The following SLC39A9 variants were observed in gnomAD, a reference collection of about 807,000 sequenced individuals.
SLC39A9 encodes the protein solute carrier family 39 member 9, also known as zinc transporter ZIP9.
In SLC39A9, 14 loss-of-function variants were observed where a neutral mutation model predicts 28.4. The observed-to-expected ratio is 0.49, with a 90% CI of 0.33 to 0.77. The LOEUF is 0.77. Among genes scored for constraint, SLC39A9 ranks in the 30% least tolerant of loss-of-function variants. The pLI is 0.02. For missense variants in SLC39A9, 283 were observed against 381.1 expected (o/e 0.74, Z 2.14); for synonymous variants, 119 against 149.6 (o/e 0.80, Z 1.49).
chr14:69,448,892 A>T (rs992110452), intron 3 of SLC39A9, among the ~76,000 whole-genome samples: 3 of 151,768 alleles, frequency 2.0e-5, no homozygotes, highest in Non-Finnish European at 4.4e-5. Flanking sequence ...GAGAAAAAGA[A>T]TGTGTGTGTG....
At chr14:69,401,844 C>T (rs1408126146) in intron 1 of SLC39A9, among the ~76,000 whole-genome samples, 1 of 152,104 alleles carries the variant, frequency 6.6e-6, no homozygotes, top group East Asian at 1.9e-4. Context: ...TTATATATAA[C>T]TTAAAGACAT....
At chr14:69,441,761 A>T in intron 2 of SLC39A9, 2 of 1,052,702 alleles carry the variant, frequency 1.9e-6, no homozygotes, top group Non-Finnish European at 2.3e-6. Flanking sequence ...CAGATAAAGG[A>T]ATATTTGGGG....
intron 2 of SLC39A9, among the ~76,000 whole-genome samples, chr14:69,432,909 A>G (rs1884566741): frequency 1.3e-5 from 2 of 152,172 alleles, no homozygotes; most frequent in Non-Finnish European, 2.9e-5. Flanking sequence ...TTTTTCTACC[A>G]GGACCACACT....
chr14:69,400,799 C>T (rs752103857), intron 1 of SLC39A9, among the ~76,000 whole-genome samples: 1 of 151,896 alleles, frequency 6.6e-6, no homozygotes, highest in Non-Finnish European at 1.5e-5. Context: ...CCTTTTTAAT[C>T]TGTACCCCTC....
At chr14:69,434,865 G>A (rs905924993) in intron 2 of SLC39A9, among the ~76,000 whole-genome samples, 4 of 152,090 alleles carry the variant, frequency 2.6e-5, no homozygotes, top group Admixed American at 2.0e-4. Context: ...TTGAGTGGTG[G>A]TTTTTAAAAT....
At chr14:69,418,460 G>T (rs556513055) in intron 1 of SLC39A9, among the ~76,000 whole-genome samples, 8 of 152,046 alleles carry the variant, frequency 5.3e-5, no homozygotes, top group Non-Finnish European at 1.2e-4. Flanking sequence ...TCTCTGCCAG[G>T]CTTTGGTATC....
In SLC39A9 at chr14:69,399,270, C is replaced by A; in HGVS notation, c.-100C>A. 1 of 1,034,074 alleles carries A rather than the reference C, an allele frequency of 9.7e-7. No individual in the cohort carries two copies. Among genetic ancestry groups the A allele is most frequent in the Non-Finnish European group, 1.5e-6 (1 of 682,334 alleles). 64.1% of individuals were successfully genotyped at this position (1,034,074 alleles called of 1,614,324 possible). A position where few individuals can be genotyped will look rare whatever the true frequency, so the allele number is the denominator to read the frequency against. ...AAGGCCTAAAGAACTGGAAAGCCCA[C>A]TCTCTTGGAACCACCACACCTGTTT... On this transcript the variant is annotated 5_prime_UTR_variant, in exon 1 of 7. Transcript: ENST00000336643.
At chr14:69,458,007 A>G (rs1236328030) in intron 6 of SLC39A9, among the ~76,000 whole-genome samples, 2 of 152,228 alleles carry the variant, frequency 1.3e-5, no homozygotes, top group African/African-American at 4.8e-5. Flanking sequence ...TAAATTTCAG[A>G]TGTTCTCACC....
chr14:69,400,656 G>A (rs539735755), intron 1 of SLC39A9, among the ~76,000 whole-genome samples: 2 of 152,310 alleles, frequency 1.3e-5, no homozygotes, highest in East Asian at 1.9e-4. Context: ...ACCTGAGGAA[G>A]AGGAGACATT....
chr14:69,404,037 C>A (rs1444209994), intron 1 of SLC39A9, among the ~76,000 whole-genome samples: 2 of 151,974 alleles, frequency 1.3e-5, no homozygotes, highest in Non-Finnish European at 2.9e-5. Context: ...GAGCAAAACT[C>A]CCTCTCAAAA....
intron 2 of SLC39A9, among the ~76,000 whole-genome samples, chr14:69,428,394 C>A (rs1186155320): frequency 2.6e-5 from 4 of 152,018 alleles, no homozygotes; most frequent in African/African-American, 9.7e-5. Context: ...CAGCAGCAGA[C>A]CATCCACACC....
chr14:69,452,041 G>A (rs138367021), intron 3 of SLC39A9, among the ~76,000 whole-genome samples: 16 of 152,178 alleles, frequency 1.1e-4, no homozygotes, highest in African/African-American at 3.9e-4. Context: ...TTTCTTGAGG[G>A]AAGTGGTTCT....
At position 69,460,638 on chromosome 14, in the gene SLC39A9, G is replaced by A. The variant is rs1378352787; in HGVS notation, c.*2045G>A. On this transcript the variant is annotated 3_prime_UTR_variant, in exon 7 of 7. Transcript: ENST00000336643. ...ACTGGCCAAAGCCTCTTTCAGCAGTGCCTTGCCATCATGCTTAAAAGTTTG... is the reference window on the plus strand; with the variant it reads ...ACTGGCCAAAGCCTCTTTCAGCAGTACCTTGCCATCATGCTTAAAAGTTTG... The A allele has an allele frequency of 1.2e-5, 12 of 985,330 alleles. No homozygotes were observed. Among genetic ancestry groups the A allele is most frequent in the Non-Finnish European group, 1.4e-5 (12 of 829,956 alleles). The allele number at this position is 985,330 out of a possible 1,614,324, so 61.0% of individuals were successfully genotyped here.
chr14:69,441,867 G>T, intron 2 of SLC39A9: 1 of 1,357,182 alleles, frequency 7.4e-7, no homozygotes, highest in Non-Finnish European at 9.5e-7. Flanking sequence ...AGGTCTGCAT[G>T]CCAAAGGCAG....
rs148319000 is a variant in SLC39A9 at position 69,445,789 on chromosome 14, T to C, written c.403+3523T>C. Among the ~76,000 whole-genome samples the C allele has an allele frequency of 2.1e-3, 319 of 152,318 alleles. 2 individuals carry two copies. Among genetic ancestry groups the C allele is most frequent in the African/African-American group, 7.4e-3 (306 of 41,576 alleles). On this transcript the variant is annotated intron_variant, in intron 3 of 6. Transcript: ENST00000336643. ...TTCCCCTGAGCATGCCTTTTTGGTA[T>C]AATTCTGACTTTTGGAAACATGTTA...
rs1322200858 is a variant in SLC39A9 at position 69,458,364 on chromosome 14, G to C, written c.695G>C (p.Ser232Thr). ...CTCTTTCTCTCTTCTAATTCACAGA[G>C]CAGTAAAGAAGCCCTTTCAGAGGTG... ...SMVTYLGLSK[S>T]SKEALSEVNA... Residue 232 changes from serine (S) to threonine (T), a missense_variant and splice_region_variant, in exon 7 of 7, where the codon AGC becomes ACC. Transcript: ENST00000336643. 1 of 1,613,982 alleles carries C rather than the reference G, an allele frequency of 6.2e-7. No individual in the cohort carries two copies. Among genetic ancestry groups the C allele is most frequent in the Non-Finnish European group, 8.5e-7 (1 of 1,180,044 alleles).
At chr14:69,409,004 AT>A (rs1883094927) in intron 1 of SLC39A9, among the ~76,000 whole-genome samples, 1 of 152,206 alleles carries the variant, frequency 6.6e-6, no homozygotes, top group Admixed American at 6.5e-5. Flanking sequence ...AAAGGGAAGA[AT>A]TCTTGTCCTG....
At chr14:69,404,233 C>T (rs1404897298) in intron 1 of SLC39A9, among the ~76,000 whole-genome samples, 2 of 152,072 alleles carry the variant, frequency 1.3e-5, no homozygotes, top group African/African-American at 4.8e-5. Flanking sequence ...CTAAAATAAC[C>T]AACAGCATAA....
Position 69,437,156 on chromosome 14 carries a change from C to T in SLC39A9, c.206-4913C>T, listed in dbSNP as rs577383940. ...TGCTGGGATTACAAGCGTGAGCCACCGCGCCCGGCCTGGGATCCCTTTTTC... is the reference window on the plus strand; with the variant it reads ...TGCTGGGATTACAAGCGTGAGCCACTGCGCCCGGCCTGGGATCCCTTTTTC... On this transcript the variant is annotated intron_variant, in intron 2 of 6. Transcript: ENST00000336643. Among the ~76,000 whole-genome samples, 9 of 152,172 alleles carry T rather than the reference C, an allele frequency of 5.9e-5. No homozygotes were observed. In the South Asian group the frequency reaches 6.2e-4, roughly 11 times the overall value.
Sources: gnomAD v4.1 joint callset for allele counts (sites outside exome capture counted in the v4.1 genomes callset) on GRCh38, gnomAD v4.1.1 for gene constraint, MANE v1.5 for transcripts, NCBI Gene and HGNC (gene_info 2026-07-23, HGNC 2026-07-21) for gene names.